The following FRY variants were observed in gnomAD, a reference collection of about 807,000 sequenced individuals.
FRY encodes the protein FRY microtubule binding protein, also known as protein furry homolog.
In FRY, 128 loss-of-function variants were observed where a neutral mutation model predicts 348.4. The observed-to-expected ratio is 0.37, with a 90% confidence interval of 0.32 to 0.43. The LOEUF (loss-of-function observed/expected upper bound fraction) is 0.43. FRY is among the 20% of genes least tolerant of loss of function. The pLI, the probability that FRY is intolerant of heterozygous loss-of-function variation, is 1.00. For synonymous variants in FRY, 1,370 were observed against 1,374.7 expected (o/e 1.00, Z 0.08); for missense variants, 2,736 against 3,695.2 (o/e 0.74, Z 6.73).
At chr13:32,114,826 T>C (rs905915177) in intron 3 of FRY, among the ~76,000 whole-genome samples, 11 of 152,212 alleles carry the variant, frequency 7.2e-5, no homozygotes, top group African/African-American at 2.7e-4. Context: ...AATTAGTGAA[T>C]TACTACCTTG....
chr13:32,124,183 G>T, intron 4 of FRY, 103 bp from the exon 5 acceptor site: 1 of 731,864 alleles, frequency 1.4e-6, no homozygotes. Context: ...TTTTAAAAAT[G>T]GGTTTTGCAG....
At chr13:32,067,244 C>T (rs763095668) in intron 1 of FRY, among the ~76,000 whole-genome samples, 6 of 152,210 alleles carry the variant, frequency 3.9e-5, no homozygotes, top group Non-Finnish European at 5.9e-5. Flanking sequence ...TCCTTTAAGA[C>T]CTGGGTCAAA....
chr13:32,153,995 T>C (rs1880954947), intron 14 of FRY, among the ~76,000 whole-genome samples: 1 of 152,200 alleles, frequency 6.6e-6, no homozygotes, highest in Non-Finnish European at 1.5e-5. Context: ...ATTTCTGCCC[T>C]TAGTGTTGTC....
At chr13:32,277,646 T>C (rs1593841807) in intron 57 of FRY, among the ~76,000 whole-genome samples, 1 of 114,084 alleles carries the variant, frequency 8.8e-6, no homozygotes, top group East Asian at 2.0e-4. Flanking sequence ...AGAAAGAAAA[T>C]GTTCATTGTA....
chr13:32,091,900 C>A (rs979594368), intron 2 of FRY, among the ~76,000 whole-genome samples: 1 of 152,206 alleles, frequency 6.6e-6, no homozygotes, highest in Non-Finnish European at 1.5e-5. Flanking sequence ...TCAGGTCTCT[C>A]AGATTTCAAA....
intron 55 of FRY, among the ~76,000 whole-genome samples, chr13:32,269,032 T>C (rs1294753125): frequency 6.6e-6 from 1 of 152,174 alleles, no homozygotes; most frequent in Non-Finnish European, 1.5e-5. Flanking sequence ...TAAACTTGTG[T>C]AGCTGTTGAG....
intron 1 of FRY, among the ~76,000 whole-genome samples, chr13:32,043,033 AAAAG>A (rs1329210816): frequency 6.6e-6 from 1 of 152,242 alleles, no homozygotes; most frequent in African/African-American, 2.4e-5. Flanking sequence ...GGCAATTTAC[AAAAG>A]AAAGAGGTTT....
At chr13:32,148,904 T>C (rs933303058) in intron 13 of FRY, among the ~76,000 whole-genome samples, 1 of 152,116 alleles carries the variant, frequency 6.6e-6, no homozygotes, top group Non-Finnish European at 1.5e-5. Flanking sequence ...CATTACCTGC[T>C]CTGCAGGTGA....
At chr13:32,244,771 G>A (rs1013242731) in intron 47 of FRY, among the ~76,000 whole-genome samples, 2 of 152,152 alleles carry the variant, frequency 1.3e-5, no homozygotes, top group South Asian at 2.1e-4. Flanking sequence ...CTCGGTTTCT[G>A]TGTATATTTT....
chr13:32,262,561 G>A, intron 53 of FRY, 86 bp downstream of exon 53: 4 of 995,436 alleles, frequency 4.0e-6, no homozygotes, highest in Non-Finnish European at 6.4e-6. Flanking sequence ...ATTCTTAAGG[G>A]GTCTCAAGTA....
chr13:32,202,155 A>T, intron 30 of FRY, 115 bp downstream of exon 30: 1 of 824,066 alleles, frequency 1.2e-6, no homozygotes, highest in Non-Finnish European at 2.1e-6. Flanking sequence ...TCTGCATATC[A>T]TTTGTGGCTA....
intron 1 of FRY, among the ~76,000 whole-genome samples, chr13:32,066,260 G>A (rs902040069): frequency 6.6e-6 from 1 of 152,160 alleles, no homozygotes; most frequent in African/African-American, 2.4e-5. Flanking sequence ...CCTTATGGTG[G>A]TAACATTAAC....
At chr13:32,291,923 C>A in intron 59 of FRY, 1 of 440,238 alleles carries the variant, frequency 2.3e-6, no homozygotes, top group East Asian at 7.2e-5. Flanking sequence ...TATGATAAAA[C>A]CTGAATGGAT....
At chr13:32,078,315 C>A (rs563589054) in intron 1 of FRY, among the ~76,000 whole-genome samples, 3 of 152,266 alleles carry the variant, frequency 2.0e-5, no homozygotes, top group South Asian at 4.2e-4. Flanking sequence ...AGAGGTGTGT[C>A]CCTTTCTGGA....
intron 36 of FRY, among the ~76,000 whole-genome samples, chr13:32,220,104 T>C (rs1292580238): frequency 6.6e-6 from 1 of 152,230 alleles, no homozygotes; most frequent in Non-Finnish European, 1.5e-5. Flanking sequence ...TCTTGTGGGA[T>C]TTATTCTTTT....
intron 41 of FRY, among the ~76,000 whole-genome samples, chr13:32,232,921 A>G (rs1482431024): frequency 6.6e-6 from 1 of 152,196 alleles, no homozygotes; most frequent in Non-Finnish European, 1.5e-5. Context: ...TGCTCATTTG[A>G]ATCACATTTA....
intron 20 of FRY, among the ~76,000 whole-genome samples, chr13:32,176,517 A>G (rs1469838540): frequency 6.6e-6 from 1 of 152,202 alleles, no homozygotes; most frequent in Non-Finnish European, 1.5e-5. Context: ...GTTCTTGCTT[A>G]TGATCATAAT....
chr13:32,254,465 T>C, intron 51 of FRY, 71 bp downstream of exon 51: 1 of 1,294,018 alleles, frequency 7.7e-7, no homozygotes. Context: ...TCTTTTTACC[T>C]GCTAAATAAT....
chr13:32,125,979 G>A (rs1878993055), intron 7 of FRY, among the ~76,000 whole-genome samples: 1 of 152,040 alleles, frequency 6.6e-6, no homozygotes, highest in African/African-American at 2.4e-5. Context: ...GAGTGATCTG[G>A]GCCATTTTGC....
Sources: allele counts gnomAD v4.1 joint callset (sites outside exome capture counted in the v4.1 genomes callset), GRCh38; gene constraint gnomAD v4.1.1; transcripts MANE v1.5; gene names NCBI Gene and HGNC (gene_info 2026-07-23, HGNC 2026-07-21).